The following NEBL variants were observed in gnomAD, a reference collection of about 807,000 sequenced individuals.
NEBL encodes the protein LIM and SH3 protein 2.
Under a neutral mutation model 140.2 loss-of-function variants are expected in NEBL, and 122 were observed. The ratio of observed to expected loss-of-function variants is 0.87; its 90% CI spans 0.75 to 1.01. The LOEUF is 1.01. Among genes scored for constraint, NEBL ranks in the 50% least tolerant of loss-of-function variants. The pLI is 0.00. For synonymous variants in NEBL, 436 were observed against 398.9 expected (o/e 1.09, Z -1.11); for missense variants, 1,365 against 1,231.3 (o/e 1.11, Z -1.62).
chr10:21,284,431 C>A (rs531032991), intron 1 of NEBL, among the ~76,000 whole-genome samples: 1 of 141,682 alleles, frequency 7.1e-6, no homozygotes, highest in East Asian at 2.5e-4. Context: ...CAGAATTACT[C>A]CTCCATTGAT....
intron 20 of NEBL, 65 bp downstream of exon 20, chr10:20,819,359 G>A (rs1839047608): frequency 6.2e-7 from 1 of 1,609,630 alleles, no homozygotes; most frequent in Non-Finnish European, 8.5e-7. Flanking sequence ...CCTTCCAAAG[G>A]GCATATTTTT....
Position 21,029,585 on chromosome 10 carries a change from A to G in NEBL, c.165-9384T>C, listed in dbSNP as rs1358109986. 36 of 1,591,110 alleles carry G rather than the reference A, an allele frequency of 2.3e-5. No individual in the cohort carries two copies. In the East Asian group the frequency reaches 7.1e-4, roughly 32 times the overall value. ...AGAAATCGGGATTCTGACAAAACAGATACAGACTGGAGGGCTCGTTCTGCC... is the reference window on the plus strand; with the variant it reads ...AGAAATCGGGATTCTGACAAAACAGGTACAGACTGGAGGGCTCGTTCTGCC... On this transcript the variant is annotated intron_variant, in intron 2 of 6. Transcript: ENST00000417816.
intron 4 of NEBL, among the ~76,000 whole-genome samples, chr10:20,906,359 C>A (rs957926587): frequency 6.6e-6 from 1 of 152,044 alleles, no homozygotes; most frequent in Non-Finnish European, 1.5e-5. Flanking sequence ...CACTTTAAGC[C>A]AGGGAAAACA....
At chr10:21,151,646 G>A (rs780027207) in intron 2 of NEBL, among the ~76,000 whole-genome samples, 3 of 151,996 alleles carry the variant, frequency 2.0e-5, no homozygotes, top group Non-Finnish European at 4.4e-5. Context: ...GGTCCCCACC[G>A]TCCCCAGGCC....
chr10:21,224,225 T>C (rs1842113430), intron 3 of NEBL, among the ~76,000 whole-genome samples: 1 of 152,254 alleles, frequency 6.6e-6, no homozygotes, highest in South Asian at 2.1e-4. Flanking sequence ...TTCATTCTTC[T>C]ACATATGGAC....
upstream of NEBL, chr10:21,174,763 G>C (rs1353705041): frequency 6.6e-6 from 1 of 152,246 alleles, no homozygotes; most frequent in Admixed American, 6.5e-5. Flanking sequence ...TCTCCCTCGT[G>C]TCCGCGGGAA....
At chr10:21,011,577 C>T (rs971084801) in intron 3 of NEBL, among the ~76,000 whole-genome samples, 7 of 152,178 alleles carry the variant, frequency 4.6e-5, no homozygotes, top group African/African-American at 1.7e-4. Context: ...CTTCTCTCCT[C>T]GAACTCCTTT....
At chr10:20,866,081 A>G (rs1844251782) in intron 7 of NEBL, among the ~76,000 whole-genome samples, 1 of 152,144 alleles carries the variant, frequency 6.6e-6, no homozygotes, top group African/African-American at 2.4e-5. Flanking sequence ...TTCTTCCCTG[A>G]GAGACTACAG....
rs550650326 is a variant in NEBL at position 20,959,564 on chromosome 10, A to G, written c.357+2108T>C. Reference sequence around the variant, plus strand: ...TATGGAAAACCTAGTGAGGTAAGGGAAAAAGTTCATGAAGTTGCAGTCTTA... The same window carrying G: ...TATGGAAAACCTAGTGAGGTAAGGGGAAAAGTTCATGAAGTTGCAGTCTTA... On this transcript the variant is annotated intron_variant, in intron 4 of 6. Transcript: ENST00000417816. Among the ~76,000 whole-genome samples, 685 of 152,268 alleles carry G rather than the reference A, an allele frequency of 4.5e-3. 3 individuals are homozygous for G. The highest frequency in any genetic ancestry group is 8.1e-3 in the Non-Finnish European group (548 of 67,990).
In NEBL at chr10:20,783,701, T is replaced by C. The variant is rs1343227037; in HGVS notation, c.*2046A>G. 1 of 152,604 alleles carries C rather than the reference T, an allele frequency of 6.6e-6. No homozygotes were observed. The highest frequency in any genetic ancestry group is 6.5e-5 in the Admixed American group (1 of 15,278). The allele number at this position is 152,604 out of a possible 1,614,324, so 9.5% of individuals were successfully genotyped here. A position where few individuals can be genotyped will look rare whatever the true frequency, so the allele number is the denominator to read the frequency against. On this transcript the variant is annotated 3_prime_UTR_variant, in exon 28 of 28. Coordinates refer to ENST00000377122, the MANE Select transcript of NEBL (RefSeq NM_006393.3). ...GCCTGGGTGAAATGTAAATATATAC[T>C]TAGTAAAATAAAATTGAGCAGGTAT...
At chr10:20,874,114 G>A (rs1845246006) in intron 5 of NEBL, among the ~76,000 whole-genome samples, 1 of 152,114 alleles carries the variant, frequency 6.6e-6, no homozygotes, top group Non-Finnish European at 1.5e-5. Context: ...TTATGTGCTT[G>A]ATCTCTTCCT....
intron 2 of NEBL, among the ~76,000 whole-genome samples, chr10:21,024,716 A>T (rs1342091559): frequency 3.3e-5 from 5 of 152,192 alleles, no homozygotes; most frequent in Non-Finnish European, 7.3e-5. Flanking sequence ...TGGATTTCTC[A>T]ACATCATGTC....
Position 21,173,483 on chromosome 10 carries a change from T to C in NEBL, c.69+282A>G, listed in dbSNP as rs373746635. ...GGTGCCCAGCCTGGTCCCTCCGGGG[T>C]CCGGGGCTGCGCACCGCCGTGCGCC... On this transcript the variant is annotated intron_variant, in intron 1 of 6. Transcript: ENST00000417816. The surrounding 1 kb of genome is among the most constrained non-coding windows in gnomAD (Gnocchi z 5.7). Among the ~76,000 whole-genome samples the C allele has an allele frequency of 6.3e-3, 952 of 151,934 alleles. 6 individuals carry two copies. The highest frequency in any genetic ancestry group is 0.022 in the African/African-American group (897 of 41,482).
At chr10:20,886,150 T>G (rs1846497771) in intron 4 of NEBL, among the ~76,000 whole-genome samples, 1 of 152,202 alleles carries the variant, frequency 6.6e-6, no homozygotes. Flanking sequence ...GTAACAAATC[T>G]GCGCATCCTG....
chr10:20,998,127 G>A (rs1031769148), intron 3 of NEBL, among the ~76,000 whole-genome samples: 2 of 152,238 alleles, frequency 1.3e-5, no homozygotes, highest in African/African-American at 4.8e-5. Flanking sequence ...TCACTGATAC[G>A]ATACGGTATG....
intron 1 of NEBL, among the ~76,000 whole-genome samples, chr10:21,270,475 T>A (rs1390932003): frequency 6.6e-6 from 1 of 151,990 alleles, no homozygotes; most frequent in Non-Finnish European, 1.5e-5. Context: ...CAAGTGATTC[T>A]CCTGCCTCAG....
chr10:21,171,353 AAAAAAAAAAG>A (rs1841069179), intron 2 of NEBL, among the ~76,000 whole-genome samples: 1 of 148,924 alleles, frequency 6.7e-6, no homozygotes, highest in Admixed American at 6.7e-5. Context: ...AAAAAAAGAA[AAAAAAAAAAG>A]AAAGAAAGGA....
intron 3 of NEBL, among the ~76,000 whole-genome samples, chr10:20,980,519 G>A (rs1398232893): frequency 6.6e-6 from 1 of 152,188 alleles, no homozygotes; most frequent in Non-Finnish European, 1.5e-5. Flanking sequence ...TTAAGGTCAT[G>A]TACATATATA....
rs1469018991 is a variant in NEBL at position 21,042,819 on chromosome 10, T to C, written c.165-22618A>G. Among the ~76,000 whole-genome samples the C allele has an allele frequency of 2.6e-5, 4 of 152,374 alleles. No individual in the cohort carries two copies. In the East Asian group the frequency reaches 5.8e-4, roughly 22 times the overall value. On this transcript the variant is annotated intron_variant, in intron 2 of 6. Coordinates refer to the NEBL transcript ENST00000417816. ...ATTTTCTCTTTCACATGATAAGAAG[T>C]ACACATTCATTTTGATTAACAAAAA...
Sources: gnomAD v4.1 joint callset for allele counts (sites outside exome capture counted in the v4.1 genomes callset) on GRCh38, gnomAD v4.1.1 for gene constraint, Gnocchi (gnomAD v3.1) non-coding constraint, MANE v1.5 for transcripts, NCBI Gene and HGNC (gene_info 2026-07-23, HGNC 2026-07-21) for gene names.